The following PPFIA1 variants were observed in gnomAD, a reference collection of about 807,000 sequenced individuals.
PPFIA1 encodes liprin-alpha-1.
A neutral mutation model predicts 149.9 loss-of-function variants in PPFIA1; 25 were observed. The observed-to-expected ratio is 0.17, with a 90% confidence interval of 0.12 to 0.23. PPFIA1 has a LOEUF of 0.23. Ranked by LOEUF, PPFIA1 falls within the 10% of genes least tolerant of loss-of-function variation. The pLI is 1.00. For synonymous variants in PPFIA1, 549 were observed against 552.8 expected (o/e 0.99, Z 0.10); for missense variants, 1,362 against 1,506.5 (o/e 0.90, Z 1.59).
chr11:70,382,179 C>A, intron 27 of PPFIA1, 21 bp downstream of exon 27: 2 of 1,595,370 alleles, frequency 1.3e-6, no homozygotes, highest in African/African-American at 1.3e-5. Context: ...AGCACCACAA[C>A]CCCTAGAGAT....
chr11:70,359,942 G>C (rs936340159), intron 19 of PPFIA1, among the ~76,000 whole-genome samples: 1 of 152,226 alleles, frequency 6.6e-6, no homozygotes, highest in African/African-American at 2.4e-5. Flanking sequence ...TTCTTCCCGT[G>C]ATTGGAACAG....
At chr11:70,290,348 G>A (rs2051444409) in intron 2 of PPFIA1, among the ~76,000 whole-genome samples, 1 of 152,210 alleles carries the variant, frequency 6.6e-6, no homozygotes, top group Admixed American at 6.5e-5. Context: ...ACCCACCTCC[G>A]ATAGGTGGGG....
At chr11:70,302,857 C>T (rs1355643879) in intron 2 of PPFIA1, among the ~76,000 whole-genome samples, 1 of 151,668 alleles carries the variant, frequency 6.6e-6, no homozygotes, top group East Asian at 1.9e-4. Flanking sequence ...AATCCTCCTG[C>T]CTCGGTGTCC....
intron 17 of PPFIA1, among the ~76,000 whole-genome samples, chr11:70,355,418 CCTGAAGGGGAGGGGAGCT>C (rs1423486274): frequency 1.3e-5 from 2 of 152,116 alleles, no homozygotes; most frequent in Non-Finnish European, 2.9e-5. Flanking sequence ...CAGGGCCTCC[CCTGAAGGGGAGGGGAGCT>C]CCATGTCAGA....
chr11:70,379,679 C>T (rs376972815), intron 26 of PPFIA1, among the ~76,000 whole-genome samples: 18 of 151,654 alleles, frequency 1.2e-4, no homozygotes, highest in Admixed American at 2.6e-4. Context: ...TGTCATCAGT[C>T]CCTCCCGTAC....
chr11:70,325,381 T>A, intron 4 of PPFIA1, 119 bp from the exon 5 acceptor site: 1 of 523,844 alleles, frequency 1.9e-6, no homozygotes, highest in Non-Finnish European at 3.2e-6. Flanking sequence ...AATGGTATTT[T>A]ATTATGTTAT....
At chr11:70,309,620 TC>T (rs1170786348) in intron 2 of PPFIA1, among the ~76,000 whole-genome samples, 8 of 149,210 alleles carry the variant, frequency 5.4e-5, no homozygotes, top group Non-Finnish European at 8.9e-5. Flanking sequence ...CATGAAAAAA[TC>T]CCAGTTTTGC....
chr11:70,330,104 C>T, intron 7 of PPFIA1, 69 bp from the exon 8 acceptor site: 1 of 1,398,334 alleles, frequency 7.2e-7, no homozygotes. Context: ...GTTTTTTTCT[C>T]TCTTAAGTAT....
chr11:70,339,441 T>A, intron 14 of PPFIA1, 135 bp downstream of exon 14: 1 of 1,112,782 alleles, frequency 9.0e-7, no homozygotes, highest in Non-Finnish European at 1.3e-6. Flanking sequence ...ATTTTCTGAC[T>A]AAGAGTTTAG....
At chr11:70,342,426 G>A (rs774921252) in intron 14 of PPFIA1, among the ~76,000 whole-genome samples, 1 of 152,212 alleles carries the variant, frequency 6.6e-6, no homozygotes, top group South Asian at 2.1e-4. Flanking sequence ...GGGGGATTGC[G>A]TAGGTCCCGG....
In PPFIA1 at chr11:70,280,715, G is replaced by A. The variant is rs372205979; in HGVS notation, c.264+8279G>A. Among the ~76,000 whole-genome samples the A allele has an allele frequency of 1.2e-4, 19 of 152,314 alleles. No individual in the cohort carries two copies. The East Asian group carries it at 3.3e-3, about 26-fold the overall frequency. ...TCTGAGTAGCTGGGACTATAGGTATGTGCCACTGTGCCCAGCTAATTTTTA... is the reference window on the plus strand; with the variant it reads ...TCTGAGTAGCTGGGACTATAGGTATATGCCACTGTGCCCAGCTAATTTTTA... On this transcript the variant is annotated intron_variant, in intron 2 of 27. Coordinates refer to ENST00000253925, the MANE Select transcript of PPFIA1 (RefSeq NM_003626.5).
intron 2 of PPFIA1, among the ~76,000 whole-genome samples, chr11:70,277,159 T>A (rs1258110673): frequency 6.7e-6 from 1 of 149,810 alleles, no homozygotes; most frequent in Non-Finnish European, 1.5e-5. Context: ...GTGTCATTGT[T>A]TTATATATTT....
intron 2 of PPFIA1, among the ~76,000 whole-genome samples, chr11:70,288,442 G>T (rs2051302651): frequency 6.6e-6 from 1 of 152,142 alleles, no homozygotes; most frequent in Non-Finnish European, 1.5e-5. Flanking sequence ...AGAAAGTGGG[G>T]CCACTGCCTG....
chr11:70,365,930 C>T (rs1313272572), intron 21 of PPFIA1: 2 of 456,504 alleles, frequency 4.4e-6, no homozygotes, highest in Admixed American at 2.4e-5. Context: ...TTCCTAACCA[C>T]GTAACCCCAG....
intron 19 of PPFIA1, among the ~76,000 whole-genome samples, chr11:70,359,968 CAG>C (rs894874342): frequency 1.1e-4 from 17 of 152,366 alleles, no homozygotes; most frequent in African/African-American, 3.8e-4. Context: ...CCAGAGAAAA[CAG>C]GGGCTCTGGT....
intron 2 of PPFIA1, among the ~76,000 whole-genome samples, chr11:70,312,110 C>T (rs967810316): frequency 6.6e-6 from 1 of 151,676 alleles, no homozygotes; most frequent in Non-Finnish European, 1.5e-5. Flanking sequence ...TCTCAAAGTG[C>T]AGGGATTACA....
At position 70,383,966 on chromosome 11, in the gene PPFIA1, T is replaced by C. The variant is rs575460945; in HGVS notation, c.*976T>C. The C allele has an allele frequency of 1.0e-4, 16 of 152,394 alleles. No homozygotes were observed. Among genetic ancestry groups the C allele is most frequent in the African/African-American group, 3.8e-4 (16 of 41,588 alleles). The allele number at this position is 152,394 out of a possible 1,614,324, so 9.4% of individuals were successfully genotyped here. On this transcript the variant is annotated 3_prime_UTR_variant, in exon 28 of 28. Transcript: ENST00000253925. ...GCAGGAGACCCAGAAAGCAGTGCAG[T>C]GCAGCTCTAATAAAGGCCTTATTTT...
chr11:70,298,724 AGTGCTGGTTCTCCT>A, intron 2 of PPFIA1, among the ~76,000 whole-genome samples: 1 of 152,188 alleles, frequency 6.6e-6, no homozygotes, highest in East Asian at 1.9e-4. Context: ...CCCACCTTAG[AGTGCTGGTTCTCCT>A]GTGCTGTGAC....
At chr11:70,300,141 C>T (rs1003899978) in intron 2 of PPFIA1, among the ~76,000 whole-genome samples, 6 of 151,906 alleles carry the variant, frequency 3.9e-5, no homozygotes, top group Non-Finnish European at 1.5e-5. Flanking sequence ...CCATCACTGC[C>T]AGCCATGCCC....
Sources: allele counts gnomAD v4.1 joint callset (sites outside exome capture counted in the v4.1 genomes callset), GRCh38; gene constraint gnomAD v4.1.1; transcripts MANE v1.5; gene names NCBI Gene and HGNC (gene_info 2026-07-23, HGNC 2026-07-21).